SPATA6L: variants seen among roughly 807,000 people sequenced by gnomAD.
SPATA6L encodes the protein spermatogenesis associated 6-like protein.
SPATA6L carries 68 observed loss-of-function variants against 49.2 expected under a neutral mutation model. The observed-to-expected ratio is 1.38, with a 90% CI of 1.14 to 1.69. The LOEUF (loss-of-function observed/expected upper bound fraction) is 1.69. Among genes scored for constraint, SPATA6L ranks in the 40% most tolerant of loss-of-function variants. The pLI, the probability that SPATA6L is intolerant of heterozygous loss-of-function variation, is 0.00. For missense variants in SPATA6L, 668 were observed against 464.3 expected, an observed-to-expected ratio of 1.44 and a Z score of -4.03; for synonymous variants, 198 against 165.7, an observed-to-expected ratio of 1.19 and a Z score of -1.50.
In SPATA6L at chr9:4,622,286, G is replaced by T. The variant is rs1428171475; in HGVS notation, c.772+122C>A. ...GCCCTGGAAATTCCACAGCTGGAGAGTACTTGAGAATTAGGCTCACAGTTC... is the reference window on the plus strand; with the variant it reads ...GCCCTGGAAATTCCACAGCTGGAGATTACTTGAGAATTAGGCTCACAGTTC... On this transcript the variant is annotated intron_variant, in intron 7 of 11. Transcript: ENST00000682582. 1.1e-5 allele frequency: 7 copies of T among 653,212 alleles called. No individual in the cohort carries two copies. The African/African-American group carries it at 1.3e-4, about 12-fold the overall frequency. The allele number at this position is 653,212 out of a possible 1,614,324, so 40.5% of individuals were successfully genotyped here.
chr9:4,617,096 A>G (rs940900319), intron 9 of SPATA6L, among the ~76,000 whole-genome samples: 2 of 152,180 alleles, frequency 1.3e-5, no homozygotes, highest in African/African-American at 4.8e-5. Context: ...AAGTTAATAT[A>G]ATTCCTGTAA....
At chr9:4,661,855 G>A (rs746230214) in intron 2 of SPATA6L, 44 bp downstream of exon 2, 2 of 1,604,846 alleles carry the variant, frequency 1.2e-6, no homozygotes, top group East Asian at 2.2e-5. Context: ...AGAACTCTCA[G>A]GTTATCTTCA....
At position 4,665,998 on chromosome 9, in the gene SPATA6L, G is replaced by GA. The variant is rs201157887; in HGVS notation, c.39+213dup. On this transcript the variant is annotated intron_variant, in intron 1 of 11. Transcript: ENST00000682582. Reference sequence around the variant, plus strand: ...TAAGAAACATGTTAGCTTTAGAACAGAAAAAAAAAAAAGTGGGAACAGGTG... The same window carrying GA: ...TAAGAAACATGTTAGCTTTAGAACAGAAAAAAAAAAAAAGTGGGAACAGGTG... 9.4e-3 allele frequency among the ~76,000 whole-genome samples: 1,325 copies of GA among 141,102 alleles called. 9 individuals are homozygous for GA. The highest frequency in any genetic ancestry group is 0.03 in the African/African-American group (1,142 of 38,284). 92.6% of individuals were successfully genotyped at this position (141,102 alleles called of 152,430 possible). A position where few individuals can be genotyped will look rare whatever the true frequency, so the allele number is the denominator to read the frequency against.
In SPATA6L at chr9:4,617,706, A is replaced by T. The variant is rs1215243838; in HGVS notation, c.995+217T>A. 2.6e-5 allele frequency among the ~76,000 whole-genome samples: 4 copies of T among 152,322 alleles called. No individual in the cohort carries two copies. The East Asian group carries it at 7.7e-4, about 29-fold the overall frequency. On this transcript the variant is annotated intron_variant, in intron 9 of 11. Transcript: ENST00000682582. ...AAATAAAAATGGGTAGATAAATAGT[A>T]CCTATGTCAAAGTTAGTTGTCTATC...
At chr9:4,631,809 G>T (rs546142813) in intron 4 of SPATA6L, among the ~76,000 whole-genome samples, 2 of 152,252 alleles carry the variant, frequency 1.3e-5, no homozygotes, top group South Asian at 4.1e-4. Flanking sequence ...AAGAGTGCAG[G>T]CTCTGAAGCC....
chr9:4,618,932 CATT>C, intron 7 of SPATA6L, 34 bp from the exon 8 acceptor site: 1 of 1,602,266 alleles, frequency 6.2e-7, no homozygotes. Context: ...TTCAATGACT[CATT>C]ATTACCATTT....
At chr9:4,595,781 T>C (rs920829751), downstream of SPATA6L, among the ~76,000 whole-genome samples, 9 of 152,230 alleles carry the variant, frequency 5.9e-5, no homozygotes, top group African/African-American at 2.2e-4. Context: ...ATTATTAAGT[T>C]AATCAATATG....
chr9:4,636,352 G>C (rs1332700313), intron 3 of SPATA6L, among the ~76,000 whole-genome samples: 2 of 151,950 alleles, frequency 1.3e-5, no homozygotes, highest in Non-Finnish European at 2.9e-5. Flanking sequence ...ATTTTTTACA[G>C]TGACTTGTAT....
chr9:4,654,181 A>G (rs761176526), intron 3 of SPATA6L, among the ~76,000 whole-genome samples: 1 of 152,230 alleles, frequency 6.6e-6, no homozygotes, highest in Non-Finnish European at 1.5e-5. Flanking sequence ...GGAAAATGGA[A>G]CCCTCATACA....
intron 3 of SPATA6L, among the ~76,000 whole-genome samples, chr9:4,655,468 T>G (rs577501216): frequency 6.6e-6 from 1 of 151,804 alleles, no homozygotes; most frequent in Non-Finnish European, 1.5e-5. Flanking sequence ...ATGAAACACA[T>G]AAAAACAATT....
Position 4,656,095 on chromosome 9 carries a change from G to T in SPATA6L, c.178-6C>A. On this transcript the variant is annotated splice_polypyrimidine_tract_variant and splice_region_variant and intron_variant, in intron 2 of 11. Transcript: ENST00000682582. ...TCTACTGCACTTTCAAATACCTGCAGAGAAAAATGGGGAAAATAAATTTTC... is the reference window on the plus strand; with the variant it reads ...TCTACTGCACTTTCAAATACCTGCATAGAAAAATGGGGAAAATAAATTTTC... 1 of 1,610,846 alleles carries T rather than the reference G, an allele frequency of 6.2e-7. No homozygotes were observed. Among genetic ancestry groups the T allele is most frequent in the South Asian group, 1.1e-5 (1 of 90,634 alleles).
intron 13 of SPATA6L, among the ~76,000 whole-genome samples, chr9:4,591,610 C>T (rs1037595588): frequency 3.3e-5 from 5 of 152,200 alleles, no homozygotes; most frequent in Admixed American, 6.5e-5. Context: ...GGAGCTAATC[C>T]TCCCATCTTC....
intron 2 of SPATA6L, 23 bp downstream of exon 2, chr9:4,661,876 G>T (rs2130800208): frequency 6.2e-7 from 1 of 1,611,834 alleles, no homozygotes; most frequent in East Asian, 2.2e-5. Flanking sequence ...GACAACAAAA[G>T]CCAATGAGAA....
Position 4,631,294 on chromosome 9 carries a change from T to C in SPATA6L, c.352-2126A>G, listed in dbSNP as rs113424019. 3.7e-3 allele frequency among the ~76,000 whole-genome samples: 570 copies of C among 152,150 alleles called. 6 individuals are homozygous for C. Among genetic ancestry groups the C allele is most frequent in the African/African-American group, 0.013 (546 of 41,520 alleles). On this transcript the variant is annotated intron_variant, in intron 4 of 11. Transcript: ENST00000682582. Reference sequence around the variant, plus strand: ...GGATTTAACATAATAAATAACACAATACATAAATAAAAATAATTTTTAAAT... The same window carrying C: ...GGATTTAACATAATAAATAACACAACACATAAATAAAAATAATTTTTAAAT...
intron 6 of SPATA6L, among the ~76,000 whole-genome samples, chr9:4,622,729 G>C (rs919078702): frequency 2.0e-4 from 30 of 152,168 alleles, no homozygotes; most frequent in African/African-American, 6.3e-4. Context: ...GAGGACGTAA[G>C]CTAAACATTA....
chr9:4,644,174 C>G (rs1286985094), intron 3 of SPATA6L, among the ~76,000 whole-genome samples: 1 of 96,410 alleles, frequency 1.0e-5, no homozygotes, highest in Non-Finnish European at 1.9e-5. Context: ...TAGTAAGATG[C>G]CATCTCTGCA....
Position 4,625,473 on chromosome 9 carries a change from G to C in SPATA6L, c.523C>G (p.Leu175Val). 6.2e-7 allele frequency: 1 copy of C among 1,613,996 alleles called. No homozygotes were observed. The highest frequency in any genetic ancestry group is 8.5e-7 in the Non-Finnish European group (1 of 1,179,964). ...TGCATGCCTTTGGGCAGTCTGTTGA[G>C]ATTATTCTCCTTTAGTTTCATCTTT... ...TIKMKLKENN[L>V]NRLPKGMQAR... Residue 175 changes from leucine (L) to valine (V), a missense_variant, in exon 6 of 12, where the codon CTC becomes GTC. Leu to Val is a conservative substitution (Grantham distance 32). Transcript: ENST00000682582.
chr9:4,625,305 T>TA (rs1159414314), intron 6 of SPATA6L, 22 bp downstream of exon 6: 1 of 1,603,142 alleles, frequency 6.2e-7, no homozygotes, highest in Admixed American at 1.7e-5. Context: ...CAAAATGCTC[T>TA]AAAAAATAAT....
intron 7 of SPATA6L, among the ~76,000 whole-genome samples, chr9:4,619,647 T>C (rs1010354449): frequency 6.6e-6 from 1 of 152,218 alleles, no homozygotes; most frequent in Non-Finnish European, 1.5e-5. Flanking sequence ...TTGGTTTTCA[T>C]GGAATCCCAT....
Sources: allele counts gnomAD v4.1 joint callset (sites outside exome capture counted in the v4.1 genomes callset), GRCh38; gene constraint gnomAD v4.1.1; transcripts MANE v1.5; gene names NCBI Gene and HGNC (gene_info 2026-07-23, HGNC 2026-07-21).